STARD13: variants seen among roughly 807,000 people sequenced by gnomAD.
The protein encoded by STARD13 is stAR-related lipid transfer protein 13.
In STARD13, 62 loss-of-function variants were observed where a neutral mutation model predicts 106.4. The ratio of observed to expected loss-of-function variants is 0.58; its 90% CI spans 0.48 to 0.72. The LOEUF is 0.72. Ranked by LOEUF, STARD13 falls within the 30% of genes least tolerant of loss-of-function variation. The pLI is 0.00. For missense variants in STARD13, 1,387 were observed against 1,424.0 expected (o/e 0.97, Z 0.42); for synonymous variants, 565 against 553.0 (o/e 1.02, Z -0.31).
the STARD13 span, among the ~76,000 whole-genome samples, chr13:33,429,869 G>A: frequency 2.0e-5 from 3 of 149,792 alleles, no homozygotes; most frequent in African/African-American, 7.5e-5. Flanking sequence ...CACAGGGTGT[G>A]CCATAATAAC....
At chr13:33,430,157 T>C in the STARD13 span, among the ~76,000 whole-genome samples, 1 of 152,182 alleles carries the variant, frequency 6.6e-6, no homozygotes. Flanking sequence ...GACCTAGTGA[T>C]CCACCCGCCT....
At chr13:33,229,878 G>T (rs1292587593) in intron 1 of STARD13, among the ~76,000 whole-genome samples, 2 of 152,218 alleles carry the variant, frequency 1.3e-5, no homozygotes, top group African/African-American at 4.8e-5. Context: ...TCCCCCAGGA[G>T]TTAAACCTTA....
At chr13:33,264,879 C>A (rs1039036316) in intron 1 of STARD13, among the ~76,000 whole-genome samples, 3 of 152,138 alleles carry the variant, frequency 2.0e-5, no homozygotes, top group Non-Finnish European at 4.4e-5. Flanking sequence ...CCATCTTGAC[C>A]CCTAGAGACA....
intron 1 of STARD13, among the ~76,000 whole-genome samples, chr13:33,307,192 C>G (rs956525056): frequency 6.6e-6 from 1 of 152,108 alleles, no homozygotes; most frequent in African/African-American, 2.4e-5. Context: ...AAAGAAATGC[C>G]TTTACACGGT....
At chr13:33,586,853 A>G in the STARD13 span, among the ~76,000 whole-genome samples, 1 of 151,870 alleles carries the variant, frequency 6.6e-6, no homozygotes, top group African/African-American at 2.4e-5. Flanking sequence ...CTCATGGGAG[A>G]CTCCTGCCAA....
At chr13:33,321,858 AG>A (rs1893571948) in intron 1 of STARD13, among the ~76,000 whole-genome samples, 1 of 152,182 alleles carries the variant, frequency 6.6e-6, no homozygotes. Context: ...CTATTCTTTC[AG>A]CACTTACACA....
At chr13:33,385,119 G>T in the STARD13 span, among the ~76,000 whole-genome samples, 1 of 133,276 alleles carries the variant, frequency 7.5e-6, no homozygotes, top group African/African-American at 2.9e-5. Context: ...TTGGAAGAAA[G>T]GTTCGGAATA....
the STARD13 span, among the ~76,000 whole-genome samples, chr13:33,659,502 C>T: frequency 6.6e-6 from 1 of 152,252 alleles, no homozygotes; most frequent in African/African-American, 2.4e-5. Context: ...GTGTGAGCCA[C>T]TGCTCCCAGC....
At chr13:33,175,656 C>T (rs1884439194) in intron 1 of STARD13, among the ~76,000 whole-genome samples, 1 of 152,208 alleles carries the variant, frequency 6.6e-6, no homozygotes, top group Non-Finnish European at 1.5e-5. Flanking sequence ...TGGGTACTCA[C>T]TCTGTGTCAT....
rs1877379494 is a variant in STARD13, at chr13:33,127,513, G to A, written c.1782C>T (p.His594=). 1 of 1,569,384 alleles carries A rather than the reference G, an allele frequency of 6.4e-7. No individual in the cohort carries two copies. Among genetic ancestry groups the A allele is most frequent in the African/African-American group, 1.3e-5 (1 of 74,222 alleles). Residue 594 remains histidine (H), a synonymous_variant, in exon 6 of 14, where the codon CAC becomes CAT. Coordinates refer to ENST00000336934, the MANE Select transcript of STARD13 (RefSeq NM_178006.4). ...RLRWNSFQLS[H]QPRPAPASPH... is the part of the protein sequence containing the mutation. ...GCGATGCTGGGGCCGGCCGGGGCTG[G>A]TGCGACAGCTGGAAACTGTTCCATC...
At chr13:33,641,348 G>T in the STARD13 span, among the ~76,000 whole-genome samples, 6 of 152,132 alleles carry the variant, frequency 3.9e-5, no homozygotes, top group African/African-American at 1.4e-4. Context: ...CCCAAAGACT[G>T]CTGGGTTTAT....
the STARD13 span, among the ~76,000 whole-genome samples, chr13:33,667,379 T>C: frequency 6.6e-6 from 1 of 152,254 alleles, no homozygotes; most frequent in African/African-American, 2.4e-5. Flanking sequence ...ATATGATTTT[T>C]ATCTGGTTTT....
downstream of STARD13, among the ~76,000 whole-genome samples, chr13:33,344,102 A>G (rs1239592651): frequency 6.6e-6 from 1 of 152,070 alleles, no homozygotes; most frequent in Non-Finnish European, 1.5e-5. Flanking sequence ...TGGACTGCAC[A>G]GTGAAATCTT....
At chr13:33,113,665 GA>G (rs1874948061) in intron 8 of STARD13, 1 of 459,262 alleles carries the variant, frequency 2.2e-6, no homozygotes, top group South Asian at 1.6e-5. Context: ...TGTGCTTGGA[GA>G]AGAAGAACCA....
chr13:33,595,339 A>G, the STARD13 span, among the ~76,000 whole-genome samples: 5 of 152,176 alleles, frequency 3.3e-5, no homozygotes, highest in Non-Finnish European at 7.4e-5. Context: ...AGACCTAACT[A>G]TGTGGATCAT....
chr13:33,147,276 A>G (rs1463244971), intron 3 of STARD13, among the ~76,000 whole-genome samples: 1 of 152,224 alleles, frequency 6.6e-6, no homozygotes, highest in African/African-American at 2.4e-5. Context: ...AAGGCCAAGT[A>G]CATGTGCAGA....
the STARD13 span, among the ~76,000 whole-genome samples, chr13:33,579,459 G>T: frequency 6.6e-6 from 1 of 151,848 alleles, no homozygotes; most frequent in Non-Finnish European, 1.5e-5. Flanking sequence ...ACAAAACCAT[G>T]CAGGGTGGTA....
the STARD13 span, among the ~76,000 whole-genome samples, chr13:33,393,034 G>T: frequency 1.7e-4 from 26 of 152,204 alleles, no homozygotes; most frequent in African/African-American, 6.0e-4. Context: ...CTGATGTCAA[G>T]ATCAACTGAA....
chr13:33,110,162 T>C, intron 11 of STARD13, 72 bp from the exon 12 acceptor site: 1 of 1,392,814 alleles, frequency 7.2e-7, no homozygotes, highest in South Asian at 1.2e-5. Context: ...GTTTGGGCTT[T>C]TAGTTTTGCT....
Sources: allele counts gnomAD v4.1 joint callset (sites outside exome capture counted in the v4.1 genomes callset), GRCh38; gene constraint gnomAD v4.1.1; transcripts MANE v1.5; gene names NCBI Gene and HGNC (gene_info 2026-07-23, HGNC 2026-07-21).